MEIS2: variants seen among roughly 807,000 people sequenced by gnomAD.
The protein encoded by MEIS2 is Meis homeobox 2, also known as homeobox protein Meis2.
Under a neutral mutation model 58.6 loss-of-function variants are expected in MEIS2, and 9 were observed. That is an observed-to-expected ratio of 0.15 (90% CI 0.09 to 0.27). The LOEUF is 0.27. Among genes scored for constraint, MEIS2 ranks in the 10% least tolerant of loss-of-function variants. The probability of loss-of-function intolerance (pLI) is 1.00; values close to 1 mark genes in which losing one functional copy is unlikely to be tolerated. For missense variants in MEIS2, 427 were observed against 635.0 expected (o/e 0.67, Z 3.52); for synonymous variants, 221 against 228.4 (o/e 0.97, Z 0.29).
At chr15:37,045,017 T>C (rs2062605243) in intron 7 of MEIS2, among the ~76,000 whole-genome samples, 1 of 151,820 alleles carries the variant, frequency 6.6e-6, no homozygotes, top group Non-Finnish European at 1.5e-5. Context: ...AAGCCTTAGG[T>C]TCCCTCCCTC....
intron 8 of MEIS2, among the ~76,000 whole-genome samples, chr15:37,011,607 G>GTTT (rs574386772): frequency 1.5e-5 from 1 of 66,762 alleles, no homozygotes; most frequent in African/African-American, 6.5e-5. Context: ...TCTATCAGTG[G>GTTT]TTTTTTTTTT....
chr15:37,097,572 T>C (rs368756565), intron 2 of MEIS2, among the ~76,000 whole-genome samples: 47 of 151,914 alleles, frequency 3.1e-4, no homozygotes, highest in African/African-American at 1.0e-3. Context: ...AAGTAAAAAA[T>C]AAAAAAACCC....
intron 7 of MEIS2, among the ~76,000 whole-genome samples, chr15:37,083,369 C>T (rs1022362147): frequency 6.6e-6 from 1 of 152,140 alleles, no homozygotes. Flanking sequence ...GCTTTAGAGG[C>T]ATAATTGCTT....
In MEIS2 at chr15:36,892,032, G is replaced by C; in HGVS notation, c.*141C>G. 1.1e-6 allele frequency: 1 copy of C among 892,296 alleles called. No homozygotes were observed. The highest frequency in any genetic ancestry group is 2.4e-5 in the East Asian group (1 of 41,452). 55.3% of individuals were successfully genotyped at this position (892,296 alleles called of 1,614,324 possible). On this transcript the variant is annotated 3_prime_UTR_variant, in exon 12 of 12. Coordinates refer to ENST00000561208, the MANE Select transcript of MEIS2 (RefSeq NM_170675.5). Reference sequence around the variant, plus strand: ...TGTGTTCTTGTTGCATTGGTCCTCTGTTGCTTGATGAAAAATGACAAAAGT... The same window carrying C: ...TGTGTTCTTGTTGCATTGGTCCTCTCTTGCTTGATGAAAAATGACAAAAGT...
intron 8 of MEIS2, among the ~76,000 whole-genome samples, chr15:37,005,566 T>C (rs928739247): frequency 6.6e-6 from 1 of 152,084 alleles, no homozygotes; most frequent in Non-Finnish European, 1.5e-5. Flanking sequence ...CCCATCATGA[T>C]GGAACTTTTT....
At chr15:37,083,518 T>C (rs1409800121) in intron 7 of MEIS2, among the ~76,000 whole-genome samples, 1 of 152,124 alleles carries the variant, frequency 6.6e-6, no homozygotes, top group African/African-American at 2.4e-5. Flanking sequence ...ATAACCAAAT[T>C]TGTAAAAGAA....
chr15:36,932,403 T>G (rs776915471), intron 9 of MEIS2, among the ~76,000 whole-genome samples: 5 of 152,238 alleles, frequency 3.3e-5, no homozygotes, highest in African/African-American at 4.8e-5. Flanking sequence ...CATAATTTTA[T>G]GAATTTAAAA....
At chr15:36,906,631 A>C (rs906802716) in intron 9 of MEIS2, among the ~76,000 whole-genome samples, 34 of 149,010 alleles carry the variant, frequency 2.3e-4, no homozygotes, top group East Asian at 4.0e-4. Flanking sequence ...TCAGGCTGAC[A>C]AAGTATGTCA....
intron 8 of MEIS2, among the ~76,000 whole-genome samples, chr15:36,972,102 TG>T (rs1209525203): frequency 2.0e-5 from 3 of 152,158 alleles, no homozygotes; most frequent in African/African-American, 7.2e-5. Flanking sequence ...AATGAGAATA[TG>T]GTATTTTTCA....
chr15:36,992,840 G>C (rs372375045), intron 8 of MEIS2, among the ~76,000 whole-genome samples: 1 of 152,014 alleles, frequency 6.6e-6, no homozygotes, highest in Admixed American at 6.5e-5. Flanking sequence ...TTTCTCGCAC[G>C]GATTTTGAAT....
intron 9 of MEIS2, chr15:36,897,933 A>G (rs765557916): frequency 5.3e-5 from 8 of 152,228 alleles, no homozygotes; most frequent in Non-Finnish European, 1.2e-4. Context: ...AGGAAGCTGA[A>G]GTCCCTTTGG....
chr15:36,927,397 G>A (rs563302520), intron 9 of MEIS2, among the ~76,000 whole-genome samples: 245 of 152,208 alleles, frequency 1.6e-3, no homozygotes, highest in African/African-American at 5.7e-3. Flanking sequence ...TGGGCAGAAG[G>A]AAACGAAGGA....
chr15:37,032,262 G>A (rs1488762684), intron 8 of MEIS2, among the ~76,000 whole-genome samples: 1 of 152,130 alleles, frequency 6.6e-6, no homozygotes, highest in African/African-American at 2.4e-5. Context: ...AGCACTTCCT[G>A]TTTCTAGTCC....
chr15:37,038,618 G>C (rs1421961673), intron 7 of MEIS2, among the ~76,000 whole-genome samples: 1 of 152,128 alleles, frequency 6.6e-6, no homozygotes, highest in Non-Finnish European at 1.5e-5. Flanking sequence ...CCAAACACTA[G>C]AGCATGACCC....
chr15:36,928,864 C>A (rs1005174132), intron 9 of MEIS2, among the ~76,000 whole-genome samples: 2 of 152,102 alleles, frequency 1.3e-5, no homozygotes, highest in Non-Finnish European at 2.9e-5. Context: ...TGGCTGAGGA[C>A]TGCACCATTA....
chr15:37,099,033 G>A (rs1288403537), intron 1 of MEIS2: 4 of 983,310 alleles, frequency 4.1e-6, no homozygotes, highest in Non-Finnish European at 4.8e-6. Flanking sequence ...CCCCGGCGGC[G>A]GCTCCTACGC....
At chr15:36,931,559 A>AT (rs759322017) in intron 9 of MEIS2, among the ~76,000 whole-genome samples, 1 of 152,234 alleles carries the variant, frequency 6.6e-6, no homozygotes, top group Non-Finnish European at 1.5e-5. Context: ...AAGCACTTCT[A>AT]TTTTGTAAGG....
intron 8 of MEIS2, among the ~76,000 whole-genome samples, chr15:36,957,117 A>T (rs1211159422): frequency 6.6e-6 from 1 of 152,180 alleles, no homozygotes; most frequent in Non-Finnish European, 1.5e-5. Flanking sequence ...GGCTTTAAGC[A>T]TGCAATGTAC....
Position 36,890,083 on chromosome 15 carries a change from A to T in MEIS2, c.*2090T>A, listed in dbSNP as rs1244427872. ...AAATGGAAAGATGGAAGAGCCCCAA[A>T]TAATAACTATGGATTTCTTCCAAGT... On this transcript the variant is annotated 3_prime_UTR_variant, in exon 12 of 12. Transcript: ENST00000561208. 6.6e-6 allele frequency: 1 copy of T among 152,220 alleles called. No individual in the cohort carries two copies. The highest frequency in any genetic ancestry group is 2.4e-5 in the African/African-American group (1 of 41,466). The allele number at this position is 152,220 out of a possible 1,614,324, so 9.4% of individuals were successfully genotyped here.
Sources: allele counts gnomAD v4.1 joint callset (sites outside exome capture counted in the v4.1 genomes callset), GRCh38; gene constraint gnomAD v4.1.1; transcripts MANE v1.5; gene names NCBI Gene and HGNC (gene_info 2026-07-23, HGNC 2026-07-21).